ZNF670: variants seen among roughly 807,000 people sequenced by gnomAD.
ZNF670 encodes the protein zinc finger protein 670.
Under a neutral mutation model 10.9 loss-of-function variants are expected in ZNF670, and 7 were observed. The observed-to-expected ratio is 0.64, with a 90% CI of 0.36 to 1.20. ZNF670 has a LOEUF of 1.20. Ranked by LOEUF, ZNF670 falls within the 50% of genes most tolerant of loss-of-function variation. The pLI is 0.02. For synonymous variants in ZNF670, 136 were observed against 152.7 expected (o/e 0.89, Z 0.81); for missense variants, 446 against 458.6 (o/e 0.97, Z 0.25).
intron 1 of ZNF670, among the ~76,000 whole-genome samples, chr1:247,070,835 G>C (rs1671097234): frequency 6.6e-6 from 1 of 152,192 alleles, no homozygotes; most frequent in African/African-American, 2.4e-5. Flanking sequence ...AATATGAACA[G>C]ACACTTCTCC....
At chr1:247,055,135 C>A (rs1469146516) in intron 1 of ZNF670, among the ~76,000 whole-genome samples, 2 of 152,258 alleles carry the variant, frequency 1.3e-5, no homozygotes, top group African/African-American at 4.8e-5. Context: ...TCCAGCTACA[C>A]TGATAAGGGA....
chr1:247,040,799 G>A (rs978708270), intron 1 of ZNF670, among the ~76,000 whole-genome samples: 7 of 152,200 alleles, frequency 4.6e-5, no homozygotes, highest in East Asian at 1.9e-4. Context: ...AGGTTCAAGC[G>A]ATTCTCCTGC....
chr1:247,040,829 G>C lies in ZNF670; in HGVS notation c.4-1292C>G, dbSNP rs2642961. Among the ~76,000 whole-genome samples, 403 of 152,222 alleles carry C rather than the reference G, an allele frequency of 2.6e-3. 4 individuals are homozygous for C. The highest frequency in any genetic ancestry group is 9.4e-3 in the African/African-American group (389 of 41,532). On this transcript the variant is annotated intron_variant, in intron 1 of 3. Coordinates refer to ENST00000366503, the MANE Select transcript of ZNF670 (RefSeq NM_033213.5). ...TCCTGCCTCAGCCTCCCGAGTAGCT[G>C]AGATTACAGGCATGTGTCACCACGC...
intron 1 of ZNF670, among the ~76,000 whole-genome samples, chr1:247,044,691 A>G (rs1404868131): frequency 6.6e-6 from 1 of 152,208 alleles, no homozygotes; most frequent in Non-Finnish European, 1.5e-5. Context: ...TCATAAGCAA[A>G]TTAATGCATT....
intron 3 of ZNF670, 140 bp downstream of exon 3, chr1:247,038,670 C>T (rs1670227615): frequency 2.7e-6 from 2 of 728,184 alleles, no homozygotes; most frequent in Non-Finnish European, 4.4e-6. Flanking sequence ...ATCAATGTTA[C>T]ATTCAGGTGT....
At chr1:247,047,372 TTCCCAAACC>T (rs1178291024) in intron 1 of ZNF670, among the ~76,000 whole-genome samples, 8 of 151,844 alleles carry the variant, frequency 5.3e-5, no homozygotes, top group Admixed American at 5.2e-4. Flanking sequence ...GTGGCAGAGG[TTCCCAAACC>T]TCAATTCTTA....
intron 1 of ZNF670, among the ~76,000 whole-genome samples, chr1:247,059,880 T>G (rs1295173741): frequency 6.6e-6 from 1 of 152,154 alleles, no homozygotes; most frequent in Non-Finnish European, 1.5e-5. Flanking sequence ...AGCAACTGAT[T>G]TAAATTTAAA....
intron 1 of ZNF670, among the ~76,000 whole-genome samples, chr1:247,046,339 G>GA (rs1396360900): frequency 6.6e-6 from 1 of 152,158 alleles, no homozygotes; most frequent in Non-Finnish European, 1.5e-5. Flanking sequence ...GGCCTAAAAG[G>GA]AAAAAGTTTG....
chr1:247,076,868 C>G (rs1671267106), intron 1 of ZNF670, among the ~76,000 whole-genome samples: 1 of 152,166 alleles, frequency 6.6e-6, no homozygotes, highest in Non-Finnish European at 1.5e-5. Context: ...GCCATACTGG[C>G]AAGGCTGGTC....
chr1:247,040,043 G>A (rs774766505), intron 1 of ZNF670, among the ~76,000 whole-genome samples: 3 of 152,046 alleles, frequency 2.0e-5, no homozygotes, highest in Admixed American at 6.5e-5. Context: ...TATATTATTC[G>A]CTGAACTCCA....
At position 247,038,337 on chromosome 1, in the gene ZNF670, C is replaced by G. The variant is rs1201780927; in HGVS notation, c.282G>C (p.Lys94Asn). ...FSQDSNLNLN[K>N]KVSTGVKPCE... is the part of the protein sequence containing the mutation. ...ATGGCTTTACTCCAGTAGAAACTTT[C>G]TTATTCAGATTCAAATTTGAATCCT... Residue 94 changes from lysine to asparagine, a missense_variant, in exon 4 of 4, where the codon AAG (lysine) becomes AAC (asparagine). Physicochemically the swap from Lys to Asn is moderately conservative, Grantham distance 94. Coordinates refer to ENST00000366503, the MANE Select transcript of ZNF670 (RefSeq NM_033213.5). 4 of 1,614,164 alleles carry G rather than the reference C, an allele frequency of 2.5e-6. No individual in the cohort carries two copies. In the African/African-American group the frequency reaches 4.0e-5, roughly 16 times the overall value.
chr1:247,039,060 C>CT (rs3078762), intron 2 of ZNF670, among the ~76,000 whole-genome samples, 190 bp from the exon 3 acceptor site: 4,557 of 125,550 alleles, frequency 0.036, 288 homozygotes, highest in African/African-American at 0.11. Context: ...TTCTTTCTTT[C>CT]TTTTTTTTTT....
chr1:247,063,487 G>A (rs974522125), intron 1 of ZNF670, among the ~76,000 whole-genome samples: 19 of 151,316 alleles, frequency 1.3e-4, no homozygotes, highest in Non-Finnish European at 2.2e-4. Context: ...GGAGGCTGAG[G>A]CAGGAGAATG....
intron 1 of ZNF670, chr1:247,043,994 T>C: frequency 5.0e-6 from 1 of 199,808 alleles, no homozygotes; most frequent in Non-Finnish European, 1.0e-5. Context: ...AAAGAGAACT[T>C]CTTAAGAAGA....
Position 247,037,639 on chromosome 1 carries a change from T to C in ZNF670, c.980A>G (p.His327Arg), listed in dbSNP as rs1022657545. 2 of 1,614,016 alleles carry C rather than the reference T, an allele frequency of 1.2e-6. No homozygotes were observed. The highest frequency in any genetic ancestry group is 2.7e-5 in the African/African-American group (2 of 74,934). The change falls in exon 4 of 4, where the codon CAT (histidine) becomes CGT (arginine). Residue 327 changes from histidine to arginine, a missense_variant. Physicochemically the swap from His to Arg is conservative, Grantham distance 29 (BLOSUM62 0). Coordinates refer to ENST00000366503, the MANE Select transcript of ZNF670 (RefSeq NM_033213.5). ...AFKYSSNLCE[H>R]ERTHTGVKPY... ...TTTCACTCCAGTGTGAGTTCTTTCA[T>C]GCTCACATAGGTTACTAGAATATTT...
At chr1:247,049,922 G>A (rs943245889) in intron 1 of ZNF670, among the ~76,000 whole-genome samples, 2 of 152,168 alleles carry the variant, frequency 1.3e-5, no homozygotes, top group African/African-American at 4.8e-5. Flanking sequence ...TAAATTTATT[G>A]AGACTTGTTT....
chr1:247,075,164 AAT>A (rs1367189054), intron 1 of ZNF670, among the ~76,000 whole-genome samples: 5 of 152,168 alleles, frequency 3.3e-5, no homozygotes, highest in East Asian at 3.9e-4. Context: ...TCATATAATA[AAT>A]ATGTCATTTA....
chr1:247,057,249 G>C (rs1394970311), intron 1 of ZNF670, among the ~76,000 whole-genome samples: 1 of 152,152 alleles, frequency 6.6e-6, no homozygotes, highest in East Asian at 1.9e-4. Context: ...TATATGAAAA[G>C]ATGCTCAGTA....
At chr1:247,052,249 G>A (rs1162940230) in intron 1 of ZNF670, among the ~76,000 whole-genome samples, 1 of 152,142 alleles carries the variant, frequency 6.6e-6, no homozygotes, top group African/African-American at 2.4e-5. Context: ...AGGCTCAAGG[G>A]CTGTGGTTCA....
Sources: gnomAD v4.1 joint callset for allele counts (sites outside exome capture counted in the v4.1 genomes callset) on GRCh38, gnomAD v4.1.1 for gene constraint, MANE v1.5 for transcripts, NCBI Gene and HGNC (gene_info 2026-07-23, HGNC 2026-07-21) for gene names.